The following UBXN7 variants were observed in gnomAD, a reference collection of about 807,000 sequenced individuals.
UBXN7 encodes the protein UBX domain protein 7, also known as UBX domain-containing protein 7.
A neutral mutation model predicts 58.0 loss-of-function variants in UBXN7; 9 were observed. That is an observed-to-expected ratio of 0.16 (90% CI 0.09 to 0.27). The LOEUF (loss-of-function observed/expected upper bound fraction) is 0.27, where lower values mean the gene tolerates loss of function less well. Among genes scored for constraint, UBXN7 ranks in the 10% least tolerant of loss-of-function variants. The pLI is 1.00. For synonymous variants in UBXN7, 208 were observed against 205.0 expected (o/e 1.01, Z -0.12); for missense variants, 328 against 599.6 (o/e 0.55, Z 4.73).
chr3:196,432,032 G>A (rs1731077522), intron 1 of UBXN7: 3 of 548,802 alleles, frequency 5.5e-6, no homozygotes, highest in African/African-American at 3.8e-5. Flanking sequence ...CGGGTCCCCG[G>A]GCCGGCGGGG....
intron 3 of UBXN7, among the ~76,000 whole-genome samples, chr3:196,394,286 C>CAA (rs34194652): frequency 0.26 from 22,607 of 87,846 alleles, 3,113 homozygotes; most frequent in African/African-American, 0.33. Context: ...AACTCCATCT[C>CAA]AAAAAAAAAA....
rs571965113 is a variant in UBXN7, at chr3:196,432,247, G to A, written c.73+80C>T. 1.1e-5 allele frequency: 18 copies of A among 1,570,020 alleles called. No individual in the cohort carries two copies. The African/African-American group carries it at 2.4e-4, about 21-fold the overall frequency. On this transcript the variant is annotated intron_variant, in intron 1 of 10. Coordinates refer to ENST00000296328, the MANE Select transcript of UBXN7 (RefSeq NM_015562.2). ...GGTAAAGCCCGAAGGAGGAATGCCT[G>A]AAGGTAAGGGGAAGCCCGGGGCAGA...
chr3:196,419,242 ACTGCACTCTGTTGCCTG>A (rs1730599482), intron 1 of UBXN7, among the ~76,000 whole-genome samples: 1 of 152,110 alleles, frequency 6.6e-6, no homozygotes, highest in Non-Finnish European at 1.5e-5. Flanking sequence ...ACGCCACTGC[ACTGCACTCTGTTGCCTG>A]GGCAACAGAG....
chr3:196,373,602 T>C (rs1215911333), intron 5 of UBXN7, among the ~76,000 whole-genome samples: 1 of 150,338 alleles, frequency 6.7e-6, no homozygotes, highest in Non-Finnish European at 1.5e-5. Flanking sequence ...CTGGACATCA[T>C]TTTGTGGGTA....
At chr3:196,374,464 C>G (rs538380274) in intron 5 of UBXN7, among the ~76,000 whole-genome samples, 124 of 151,904 alleles carry the variant, frequency 8.2e-4, no homozygotes, top group Admixed American at 3.2e-3. Context: ...CTAATACTAG[C>G]AAAAGAAACT....
intron 1 of UBXN7, among the ~76,000 whole-genome samples, chr3:196,417,269 G>A (rs545730693): frequency 1.3e-5 from 2 of 152,272 alleles, no homozygotes; most frequent in East Asian, 1.9e-4. Context: ...CCGAGATCGC[G>A]CGACTGCACT....
At chr3:196,380,059 C>A (rs1729152777) in intron 5 of UBXN7, among the ~76,000 whole-genome samples, 1 of 152,108 alleles carries the variant, frequency 6.6e-6, no homozygotes, top group Admixed American at 6.6e-5. Context: ...ACCATCCTGG[C>A]TACCAGGGTG....
chr3:196,376,477 C>CG (rs1197926869), intron 5 of UBXN7, among the ~76,000 whole-genome samples: 1 of 128,064 alleles, frequency 7.8e-6, no homozygotes, highest in Non-Finnish European at 1.6e-5. Context: ...ACCCAGGAGG[C>CG]GGAGGTTGCA....
intron 1 of UBXN7, among the ~76,000 whole-genome samples, chr3:196,421,188 T>C (rs993639562): frequency 4.6e-5 from 7 of 152,114 alleles, no homozygotes; most frequent in South Asian, 4.1e-4. Flanking sequence ...AGGGGACAGA[T>C]AAGGCAAACA....
chr3:196,376,254 T>TA (rs1471809607), intron 5 of UBXN7, among the ~76,000 whole-genome samples: 2 of 151,870 alleles, frequency 1.3e-5, no homozygotes, highest in African/African-American at 4.8e-5. Flanking sequence ...AGAAAAATGT[T>TA]ATATATTGCC....
chr3:196,376,772 C>T (rs1328589365), intron 5 of UBXN7, among the ~76,000 whole-genome samples: 1 of 151,284 alleles, frequency 6.6e-6, no homozygotes, highest in Non-Finnish European at 1.5e-5. Context: ...TTGGCCGGGT[C>T]CAGTGGCTCA....
At chr3:196,383,837 A>G (rs1729290997) in intron 5 of UBXN7, among the ~76,000 whole-genome samples, 1 of 152,216 alleles carries the variant, frequency 6.6e-6, no homozygotes. Flanking sequence ...AATGCCCACA[A>G]GAGAAAGCAG....
chr3:196,377,045 CA>C (rs1159006266), intron 5 of UBXN7, among the ~76,000 whole-genome samples: 2,054 of 69,276 alleles, frequency 0.03, 29 homozygotes, highest in South Asian at 0.13. Context: ...GACTCTGTCT[CA>C]AAAAAAAAAA....
intron 1 of UBXN7, among the ~76,000 whole-genome samples, chr3:196,423,782 T>C (rs1730760649): frequency 6.6e-6 from 1 of 152,146 alleles, no homozygotes; most frequent in African/African-American, 2.4e-5. Flanking sequence ...ACTCTAAGAT[T>C]CTGAAGCACC....
chr3:196,358,016 C>T (rs528655314), intron 10 of UBXN7, among the ~76,000 whole-genome samples: 1 of 151,980 alleles, frequency 6.6e-6, no homozygotes, highest in Admixed American at 6.5e-5. Context: ...CCAGCCTGGG[C>T]AGAGCCAGAT....
rs1379772029 is a variant in UBXN7, at chr3:196,356,139, A to C, written c.*546T>G. ...ATTACAAGGGATGCTTTTTCCACGT[A>C]AACAAAAGCCTGGATATTTTGTTAA... On this transcript the variant is annotated 3_prime_UTR_variant, in exon 11 of 11. Coordinates refer to ENST00000296328, the MANE Select transcript of UBXN7 (RefSeq NM_015562.2). The C allele has an allele frequency of 6.5e-6, 1 of 152,736 alleles. No homozygotes were observed. The highest frequency in any genetic ancestry group is 2.4e-5 in the African/African-American group (1 of 41,466). 9.5% of individuals were successfully genotyped at this position (152,736 alleles called of 1,614,324 possible). A position where few individuals can be genotyped will look rare whatever the true frequency, so the allele number is the denominator to read the frequency against.
chr3:196,394,220 A>G (rs1032667120), intron 3 of UBXN7, among the ~76,000 whole-genome samples: 143 of 150,068 alleles, frequency 9.5e-4, no homozygotes, highest in Non-Finnish European at 1.4e-3. Flanking sequence ...CCTAGGAGAC[A>G]GAGGTTGCAG....
chr3:196,384,760 C>A (rs1207298352), intron 5 of UBXN7, among the ~76,000 whole-genome samples: 1 of 152,100 alleles, frequency 6.6e-6, no homozygotes, highest in Non-Finnish European at 1.5e-5. Flanking sequence ...GCCCTTCACG[C>A]TAAAAATTCT....
intron 1 of UBXN7, among the ~76,000 whole-genome samples, chr3:196,424,118 T>C (rs1384853648): frequency 6.6e-6 from 1 of 152,052 alleles, no homozygotes; most frequent in Non-Finnish European, 1.5e-5. Context: ...CTCAAACTCC[T>C]GATCTCATGT....
Sources: allele counts gnomAD v4.1 joint callset (sites outside exome capture counted in the v4.1 genomes callset), GRCh38; gene constraint gnomAD v4.1.1; transcripts MANE v1.5; gene names NCBI Gene and HGNC (gene_info 2026-07-23, HGNC 2026-07-21).